RUNX1T1: variants seen among roughly 807,000 people sequenced by gnomAD.
RUNX1T1 encodes the protein protein CBFA2T1.
A neutral mutation model predicts 62.8 loss-of-function variants in RUNX1T1; 4 were observed. The observed-to-expected ratio is 0.06, with a 90% CI of 0.03 to 0.15. The LOEUF (loss-of-function observed/expected upper bound fraction) is 0.15, where lower values mean the gene tolerates loss of function less well. Among genes scored for constraint, RUNX1T1 ranks in the 10% least tolerant of loss-of-function variants. The probability of loss-of-function intolerance (pLI) is 1.00; values close to 1 mark genes in which losing one functional copy is unlikely to be tolerated. For synonymous variants in RUNX1T1, 291 were observed against 286.0 expected (o/e 1.02, Z -0.18); for missense variants, 508 against 754.3 (o/e 0.67, Z 3.82).
intron 1 of RUNX1T1, among the ~76,000 whole-genome samples, chr8:92,026,419 T>C (rs546050815): frequency 1.3e-5 from 2 of 152,372 alleles, no homozygotes; most frequent in East Asian, 1.9e-4. Flanking sequence ...CCATGCCTTC[T>C]CAAAGTTCAT....
chr8:91,994,730 A>C (rs2130914075), intron 5 of RUNX1T1: 1 of 406,182 alleles, frequency 2.5e-6, no homozygotes, highest in Admixed American at 3.0e-5. Flanking sequence ...CAAGATTCTC[A>C]AGATTTAAAG....
intron 1 of RUNX1T1, among the ~76,000 whole-genome samples, chr8:92,052,304 A>G (rs912689063): frequency 2.0e-5 from 3 of 152,218 alleles, no homozygotes; most frequent in Non-Finnish European, 2.9e-5. Context: ...ACAAGTAACT[A>G]TCAGAACAAA....
At chr8:92,050,645 C>G (rs1450940384) in intron 1 of RUNX1T1, among the ~76,000 whole-genome samples, 1 of 152,186 alleles carries the variant, frequency 6.6e-6, no homozygotes, top group Non-Finnish European at 1.5e-5. Context: ...TTTTACTGAT[C>G]TTAAAACTCA....
upstream of RUNX1T1, among the ~76,000 whole-genome samples, chr8:92,066,304 T>C (rs1342964076): frequency 6.6e-6 from 1 of 152,228 alleles, no homozygotes; most frequent in African/African-American, 2.4e-5. Flanking sequence ...TCCAGATTTC[T>C]CCGCTTGCTT....
At chr8:92,050,566 A>G (rs1418811278) in intron 1 of RUNX1T1, among the ~76,000 whole-genome samples, 1 of 152,224 alleles carries the variant, frequency 6.6e-6, no homozygotes, top group African/African-American at 2.4e-5. Flanking sequence ...AACATACGCT[A>G]AATAACTGGT....
At chr8:92,098,448 ATAAT>A (rs1837887132) in intron 1 of RUNX1T1, among the ~76,000 whole-genome samples, 1 of 152,248 alleles carries the variant, frequency 6.6e-6, no homozygotes, top group Non-Finnish European at 1.5e-5. Flanking sequence ...TCAGAATATC[ATAAT>A]ATTCTTAATG....
At chr8:92,004,858 C>A in intron 5 of RUNX1T1, 1 of 341,260 alleles carries the variant, frequency 2.9e-6, no homozygotes. Context: ...TCAGAAAAAT[C>A]ATTCGTCTTC....
chr8:91,978,414 A>T (rs1814458782), intron 8 of RUNX1T1, among the ~76,000 whole-genome samples: 1 of 152,186 alleles, frequency 6.6e-6, no homozygotes, highest in Admixed American at 6.5e-5. Context: ...TATCCTCATT[A>T]TTATCATTAT....
At chr8:91,991,846 G>A (rs774083923) in exon 6 of RUNX1T1, 13 of 1,614,008 alleles carry the variant, frequency 8.1e-6, no homozygotes, top group South Asian at 1.1e-5. Flanking sequence ...TTGCTTGGAT[G>A]TTCTGAGTGC....
chr8:92,046,681 T>C (rs1829461392), intron 1 of RUNX1T1, among the ~76,000 whole-genome samples: 1 of 152,180 alleles, frequency 6.6e-6, no homozygotes, highest in African/African-American at 2.4e-5. Context: ...TTAATATTAC[T>C]GCAGCCTGAC....
At chr8:91,989,023 G>A (rs1817130229) in intron 6 of RUNX1T1, among the ~76,000 whole-genome samples, 1 of 152,058 alleles carries the variant, frequency 6.6e-6, no homozygotes, top group Admixed American at 6.6e-5. Flanking sequence ...TGTACCGGGG[G>A]AAATATCTCG....
chr8:92,014,258 G>C (rs187001281), intron 3 of RUNX1T1, among the ~76,000 whole-genome samples: 33 of 150,596 alleles, frequency 2.2e-4, no homozygotes, highest in Admixed American at 1.9e-3. Flanking sequence ...TGTACTTACT[G>C]AAATACTGAA....
chr8:92,060,899 A>G (rs1036043630), intron 1 of RUNX1T1, among the ~76,000 whole-genome samples: 1 of 151,542 alleles, frequency 6.6e-6, no homozygotes, highest in African/African-American at 2.4e-5. Context: ...GTATCCAAGT[A>G]CAAGGTTTTC....
rs143513830 is a variant in RUNX1T1, at chr8:92,045,708, A to C, written c.7+16838T>G. On this transcript the variant is annotated intron_variant, in intron 1 of 10. Transcript: ENST00000396218. ...CCACTTTTCTGCCTCTCAATCCTTC[A>C]ATCTCCTTCTATATCCCCTACTACA... 4.4e-3 allele frequency among the ~76,000 whole-genome samples: 675 copies of C among 152,114 alleles called. 8 individuals carry two copies. The highest frequency in any genetic ancestry group is 0.016 in the African/African-American group (648 of 41,478).
At chr8:92,057,727 C>T (rs1309969332) in intron 1 of RUNX1T1, among the ~76,000 whole-genome samples, 2 of 152,114 alleles carry the variant, frequency 1.3e-5, no homozygotes, top group African/African-American at 4.8e-5. Flanking sequence ...AGAAAGCCAG[C>T]ACGATAAACC....
At chr8:91,992,233 C>A (rs1466505853) in intron 5 of RUNX1T1, among the ~76,000 whole-genome samples, 1 of 152,118 alleles carries the variant, frequency 6.6e-6, no homozygotes, top group Admixed American at 6.5e-5. Context: ...ACAAGTTACC[C>A]TAAGACCGAC....
intron 1 of RUNX1T1, among the ~76,000 whole-genome samples, chr8:92,098,151 T>C (rs1340685211): frequency 2.0e-5 from 3 of 152,242 alleles, no homozygotes; most frequent in Non-Finnish European, 4.4e-5. Flanking sequence ...TCTAGTGTGC[T>C]ATAATGTGAG....
chr8:91,991,801 T>C, exon 6 of RUNX1T1: 1 of 1,614,162 alleles, frequency 6.2e-7, no homozygotes, highest in Non-Finnish European at 8.5e-7. Flanking sequence ...TTATTTGGAC[T>C]GTACCGCTGG....
At chr8:92,079,234 T>C (rs1772308910) in intron 1 of RUNX1T1, among the ~76,000 whole-genome samples, 1 of 152,212 alleles carries the variant, frequency 6.6e-6, no homozygotes, top group Admixed American at 6.5e-5. Flanking sequence ...TTCTTTTCCT[T>C]CATAGAAACA....
Sources: gnomAD v4.1 joint callset for allele counts (sites outside exome capture counted in the v4.1 genomes callset) on GRCh38, gnomAD v4.1.1 for gene constraint, MANE v1.5 for transcripts, NCBI Gene and HGNC (gene_info 2026-07-23, HGNC 2026-07-21) for gene names.